The following GRK1 variants were observed in gnomAD, a reference collection of about 807,000 sequenced individuals.
GRK1 encodes the protein rhodopsin kinase GRK1.
GRK1 carries 28 observed loss-of-function variants against 41.7 expected under a neutral mutation model. The observed-to-expected ratio is 0.67, with a 90% CI of 0.50 to 0.92. The LOEUF is 0.92. Ranked by LOEUF, GRK1 falls within the 40% of genes least tolerant of loss-of-function variation. The pLI is 0.00. For missense variants in GRK1, 703 were observed against 671.2 expected, an observed-to-expected ratio of 1.05 and a Z score of -0.52; for synonymous variants, 327 against 286.7, an observed-to-expected ratio of 1.14 and a Z score of -1.42.
At chr13:113,672,356 GGTGTGGTATC>G (rs2049863132) in intron 3 of GRK1, among the ~76,000 whole-genome samples, 1 of 149,754 alleles carries the variant, frequency 6.7e-6, no homozygotes. Context: ...GTACCTGTAT[GGTGTGGTATC>G]TGGTGTGGTA....
the GRK1 span, chr13:113,651,787 G>A: frequency 7.3e-5 from 116 of 1,580,386 alleles, no homozygotes; most frequent in Non-Finnish European, 8.8e-5. Context: ...TGAGGTGCAC[G>A]GCACCCACCC....
At chr13:113,734,865 C>A in intron 6 of GRK1, 1 of 466,140 alleles carries the variant, frequency 2.1e-6, no homozygotes, top group Admixed American at 3.9e-5. Flanking sequence ...CCCACTCAAG[C>A]CCCAGCTGTG....
chr13:113,733,591 G>A (rs1332448251), intron 6 of GRK1, among the ~76,000 whole-genome samples: 2 of 151,472 alleles, frequency 1.3e-5, no homozygotes, highest in Admixed American at 1.3e-4. Flanking sequence ...GCATACGTGT[G>A]TGTGCATGTG....
chr13:113,664,746 A>G (rs1019267583), upstream of GRK1, among the ~76,000 whole-genome samples: 1 of 152,146 alleles, frequency 6.6e-6, no homozygotes, highest in Non-Finnish European at 1.5e-5. The surrounding 1 kb of genome is among the most constrained non-coding windows in gnomAD (Gnocchi z 5.4). Context: ...TCTTTATTCC[A>G]GCAAGGTCTC....
At chr13:113,733,990 ATACATG>A (rs2049979979) in intron 6 of GRK1, among the ~76,000 whole-genome samples, 3 of 121,988 alleles carry the variant, frequency 2.5e-5, no homozygotes, top group Non-Finnish European at 5.0e-5. Flanking sequence ...ATGTGTGTGC[ATACATG>A]TGTGTGCGTG....
At chr13:113,649,224 G>A in the GRK1 span, 72 of 794,534 alleles carry the variant, frequency 9.1e-5, no homozygotes, top group East Asian at 1.9e-3. The surrounding 1 kb of genome is among the most constrained non-coding windows in gnomAD (Gnocchi z 4.7). Flanking sequence ...AGATGTGGGC[G>A]CTTCTCTGGA....
At chr13:113,725,139 C>T (rs1275412981) in intron 4 of GRK1, among the ~76,000 whole-genome samples, 1 of 151,904 alleles carries the variant, frequency 6.6e-6, no homozygotes, top group Non-Finnish European at 1.5e-5. Context: ...AGCAAAGCCG[C>T]AGGGTCCGCA....
chr13:113,728,330 G>A (rs1471348802), intron 4 of GRK1, among the ~76,000 whole-genome samples: 3 of 128,024 alleles, frequency 2.3e-5, no homozygotes, highest in South Asian at 2.4e-4. Flanking sequence ...ATGGCAAGGA[G>A]TACCCATGGT....
chr13:113,665,351 C>T (rs1433833373), upstream of GRK1, among the ~76,000 whole-genome samples: 1 of 151,992 alleles, frequency 6.6e-6, no homozygotes, highest in Admixed American at 6.5e-5. Context: ...AGGTGTGTTG[C>T]AGGTGTGTCC....
rs2049829612 is a variant in GRK1, at chr13:113,667,856, T to C, written c.470T>C (p.Leu157Pro). The C allele has an allele frequency of 2.5e-6, 4 of 1,588,660 alleles. No homozygotes were observed. Among genetic ancestry groups the C allele is most frequent in the Non-Finnish European group, 3.4e-6 (4 of 1,165,996 alleles). Reference sequence around the variant, plus strand: ...CTGCTGCAGGCCACCCTGGCACACCTGGGCCAAGCCCCCTTCCAGGAGTAC... The same window carrying C: ...CTGCTGCAGGCCACCCTGGCACACCCGGGCCAAGCCCCCTTCCAGGAGTAC... Reference protein sequence around the residue: ...QPLLQATLAHLGQAPFQEYLG... With the variant: ...QPLLQATLAHPGQAPFQEYLG... Residue 157 changes from leucine (L) to proline (P), a missense_variant, in exon 1 of 7, where the codon CTG (leucine) becomes CCG (proline). Coordinates refer to ENST00000335678, the MANE Select transcript of GRK1 (RefSeq NM_002929.3). The surrounding 1 kb of genome is among the most constrained non-coding windows in gnomAD (Gnocchi z 7.5).
the GRK1 span, chr13:113,658,245 G>A: frequency 8.5e-7 from 1 of 1,175,524 alleles, no homozygotes; most frequent in South Asian, 1.4e-5. Context: ...TCTGCCAGAG[G>A]TCAAAGGCAT....
At position 113,733,046 on chromosome 13, in the gene GRK1, C is replaced by T. The variant is rs781720898; in HGVS notation, c.1357C>T (p.Pro453Ser). The change falls in exon 6 of 7, where the codon CCC (proline) becomes TCC (serine). Residue 453 changes from proline (P) to serine (S), a missense_variant. Physicochemically the swap from Pro to Ser is moderately conservative, Grantham distance 74 (BLOSUM62 -1). Transcript: ENST00000335678. Reference protein sequence around the residue: ...DETCDKLRAHPLFKDLNWRQL... With the variant: ...DETCDKLRAHSLFKDLNWRQL... ...GACCTGCGACAAGCTCCGTGCCCACCCCCTCTTCAAGGACCTTAACTGGAG... is the reference window on the plus strand; with the variant it reads ...GACCTGCGACAAGCTCCGTGCCCACTCCCTCTTCAAGGACCTTAACTGGAG... The T allele has an allele frequency of 1.3e-6, 2 of 1,537,040 alleles. No homozygotes were observed. The highest frequency in any genetic ancestry group is 1.2e-5 in the South Asian group (1 of 84,062).
At chr13:113,655,190 G>A in the GRK1 span, among the ~76,000 whole-genome samples, 63 of 152,270 alleles carry the variant, frequency 4.1e-4, no homozygotes, top group Middle Eastern at 3.4e-3. Context: ...AGAATCCTGC[G>A]ACCCGAGGCA....
the GRK1 span, chr13:113,651,696 G>A: frequency 1.2e-6 from 2 of 1,613,730 alleles, no homozygotes; most frequent in Non-Finnish European, 1.7e-6. Context: ...CACTCTGGGG[G>A]CCGAGCCGTT....
the GRK1 span, among the ~76,000 whole-genome samples, chr13:113,656,170 C>T: frequency 1.1e-3 from 172 of 152,310 alleles, no homozygotes; most frequent in Non-Finnish European, 2.1e-3. Flanking sequence ...CACTGGATCA[C>T]GCCTGGTGCC....
At chr13:113,655,566 G>A in the GRK1 span, among the ~76,000 whole-genome samples, 1 of 152,164 alleles carries the variant, frequency 6.6e-6, no homozygotes, top group Admixed American at 6.5e-5. Flanking sequence ...AGAACCTAAC[G>A]GAAGCCACCG....
chr13:113,667,710 G>A lies in GRK1; in HGVS notation c.324G>A (p.Gln108=). ...ADNDLQPQKA[Q]TILAQYLDPQ... is the part of the protein sequence containing the mutation. Reference sequence around the variant, plus strand: ...ATGACCTCCAGCCACAGAAGGCCCAGACCATCCTGGCCCAGTACCTGGACC... The same window carrying A: ...ATGACCTCCAGCCACAGAAGGCCCAAACCATCCTGGCCCAGTACCTGGACC... Residue 108 remains glutamine (Q), a synonymous_variant, in exon 1 of 7, where the codon CAG becomes CAA. Transcript: ENST00000335678. The surrounding 1 kb of genome is among the most constrained non-coding windows in gnomAD (Gnocchi z 7.5). The A allele has an allele frequency of 6.2e-7, 1 of 1,613,864 alleles. No individual in the cohort carries two copies. The highest frequency in any genetic ancestry group is 8.5e-7 in the Non-Finnish European group (1 of 1,179,910).
intron 1 of GRK1, among the ~76,000 whole-genome samples, chr13:113,669,307 G>A (rs771573790): frequency 1.8e-4 from 28 of 152,364 alleles, no homozygotes; most frequent in Non-Finnish European, 3.7e-4. Context: ...TTTGGGAGGT[G>A]CTGGTCTGGG....
chr13:113,668,807 C>G (rs1446308795), intron 1 of GRK1, among the ~76,000 whole-genome samples: 1 of 152,242 alleles, frequency 6.6e-6, no homozygotes, highest in East Asian at 1.9e-4. Flanking sequence ...CCCTCTCCCA[C>G]CACGCAGCTG....
Sources: allele counts gnomAD v4.1 joint callset (sites outside exome capture counted in the v4.1 genomes callset), GRCh38; gene constraint gnomAD v4.1.1; non-coding constraint Gnocchi (gnomAD v3.1); transcripts MANE v1.5; gene names NCBI Gene and HGNC (gene_info 2026-07-23, HGNC 2026-07-21).